PAPLN: variants seen among roughly 807,000 people sequenced by gnomAD.
PAPLN encodes the protein papilin, proteoglycan like sulfated glycoprotein.
Under a neutral mutation model 159.0 loss-of-function variants are expected in PAPLN, and 146 were observed. The ratio of observed to expected loss-of-function variants is 0.92; its 90% CI spans 0.80 to 1.05. The LOEUF (loss-of-function observed/expected upper bound fraction) is 1.05. Among genes scored for constraint, PAPLN ranks in the 50% least tolerant of loss-of-function variants. The probability of loss-of-function intolerance (pLI) is 0.00; values close to 1 mark genes in which losing one functional copy is unlikely to be tolerated. For synonymous variants in PAPLN, 734 were observed against 702.9 expected, an observed-to-expected ratio of 1.04 and a Z score of -0.70; for missense variants, 1,720 against 1,743.9, an observed-to-expected ratio of 0.99 and a Z score of 0.24.
intron 21 of PAPLN, 101 bp downstream of exon 21, chr14:73,264,436 C>G: frequency 6.5e-7 from 1 of 1,535,132 alleles, no homozygotes. Flanking sequence ...TAGAGGGGCC[C>G]AGGGTGTCTC....
Position 73,262,732 on chromosome 14 carries a change from A to G in PAPLN, c.2628A>G (p.Gly876=). 6.6e-7 allele frequency: 1 copy of G among 1,512,598 alleles called. No homozygotes were observed. Among genetic ancestry groups the G allele is most frequent in the South Asian group, 1.4e-5 (1 of 73,168 alleles). The allele number at this position is 1,512,598 out of a possible 1,614,324, so 93.7% of individuals were successfully genotyped here. A position where few individuals can be genotyped will look rare whatever the true frequency, so the allele number is the denominator to read the frequency against. Residue 876 remains glycine, a synonymous_variant, in exon 19 of 27, where the codon GGA becomes GGG. Coordinates refer to ENST00000644200, the MANE Select transcript of PAPLN (RefSeq NM_001365906.3). ...PGEAPHTQAF[G]EWPWGQELGS... ...AGGCCCCCCACACCCAGGCCTTTGGAGAATGGCCATGGGGGCAGGAGCTTG... is the reference window on the plus strand; with the variant it reads ...AGGCCCCCCACACCCAGGCCTTTGGGGAATGGCCATGGGGGCAGGAGCTTG...
chr14:73,266,421 G>T, intron 23 of PAPLN, 80 bp from the exon 24 acceptor site: 1 of 1,538,014 alleles, frequency 6.5e-7, no homozygotes, highest in South Asian at 1.2e-5. Context: ...TTCCCTCCCT[G>T]ACCCCATGCT....
intron 26 of PAPLN, among the ~76,000 whole-genome samples, chr14:73,270,162 G>C (rs1290246886): frequency 3.3e-5 from 5 of 152,286 alleles, no homozygotes; most frequent in African/African-American, 1.2e-4. Flanking sequence ...ACCTCTGTCC[G>C]GGGCCTCGCT....
In PAPLN at chr14:73,259,237, C is replaced by T. The variant is rs201661873; in HGVS notation, c.1709-32C>T. 157 of 1,532,246 alleles carry T rather than the reference C, an allele frequency of 1.0e-4. 1 individual carries two copies. Among genetic ancestry groups the T allele is most frequent in the South Asian group, 5.4e-4 (42 of 78,180 alleles). 94.9% of individuals were successfully genotyped at this position (1,532,246 alleles called of 1,614,324 possible). ...GGGTGGAGGGGAGGAGCCAGGTGGA[C>T]GCACTGTGTGTCTTTTGCTTCTTCT... is the stretch of plus-strand genomic sequence containing the variant. On this transcript the variant is annotated intron_variant, in intron 15 of 26. Coordinates refer to ENST00000644200, the MANE Select transcript of PAPLN (RefSeq NM_001365906.3).
chr14:73,255,749 T>C (rs1280564024), intron 14 of PAPLN, among the ~76,000 whole-genome samples: 2 of 152,148 alleles, frequency 1.3e-5, no homozygotes, highest in Admixed American at 1.3e-4. Context: ...CTATGAGCTG[T>C]AGGGACCTTG....
At position 73,246,194 on chromosome 14, in the gene PAPLN, C is replaced by G; in HGVS notation, c.334+19C>G. 1 of 1,557,568 alleles carries G rather than the reference C, an allele frequency of 6.4e-7. No homozygotes were observed. Reference sequence around the variant, plus strand: ...TACAGCGGTGAGCGCGGCCGGGACTCGCTCTCTCGGGGCCTCTTGTATACC... The same window carrying G: ...TACAGCGGTGAGCGCGGCCGGGACTGGCTCTCTCGGGGCCTCTTGTATACC... On this transcript the variant is annotated intron_variant, in intron 5 of 26. Transcript: ENST00000644200.
In PAPLN at chr14:73,260,790, C is replaced by A; in HGVS notation, c.2067C>A (p.Ser689Arg). 6.7e-7 allele frequency: 1 copy of A among 1,494,448 alleles called. No individual in the cohort carries two copies. Among genetic ancestry groups the A allele is most frequent in the Middle Eastern group, 1.9e-4 (1 of 5,358 alleles). 92.6% of individuals were successfully genotyped at this position (1,494,448 alleles called of 1,614,324 possible). A position where few individuals can be genotyped will look rare whatever the true frequency, so the allele number is the denominator to read the frequency against. The part of the protein sequence containing the change: ...AGCTKSYGGD[S>R]TGGMPRSRAV... ...GCACAAAGTCGTATGGTGGTGACAG[C>A]ACCGGGGGCATGCCCAGGTCAAGGG... Residue 689 changes from serine (S) to arginine (R), a missense_variant, in exon 17 of 27, where the codon AGC becomes AGA. Physicochemically the swap from Ser to Arg is moderately radical, Grantham distance 110. Transcript: ENST00000644200.
chr14:73,261,150 C>G lies in PAPLN; in HGVS notation c.2107-6C>G. ...CCCACTTCCCAATCATGGGTTTCCT[C>G]CCCAGGTCCACAACACCCACCAGCC... is the stretch of plus-strand genomic sequence containing the variant. On this transcript the variant is annotated splice_region_variant and splice_polypyrimidine_tract_variant and intron_variant, in intron 17 of 26. Transcript: ENST00000644200. The G allele has an allele frequency of 6.2e-7, 1 of 1,614,134 alleles. No individual in the cohort carries two copies. The highest frequency in any genetic ancestry group is 1.1e-5 in the South Asian group (1 of 91,078).
Position 73,262,763 on chromosome 14 carries a change from AG to A in PAPLN, c.2662del (p.Ala888ProfsTer76). 1 of 1,511,206 alleles carries A rather than the reference AG, an allele frequency of 6.6e-7. No homozygotes were observed. The highest frequency in any genetic ancestry group is 8.8e-7 in the Non-Finnish European group (1 of 1,135,004). 93.6% of individuals were successfully genotyped at this position (1,511,206 alleles called of 1,614,324 possible). A position where few individuals can be genotyped will look rare whatever the true frequency, so the allele number is the denominator to read the frequency against. On this transcript the variant is annotated frameshift_variant, in exon 19 of 27. Transcript: ENST00000644200. LOFTEE classifies it high-confidence loss of function. The part of the protein sequence containing the change: ...EWPWGQELGS[R>X]APGLGGDAGS... ...GCCATGGGGGCAGGAGCTTGGGTCC[AG>A]GGCCCCTGGACTGGGTGGAGATGCC...
chr14:73,250,067 C>T lies in PAPLN; in HGVS notation c.418C>T (p.Pro140Ser). Residue 140 changes from proline (P) to serine (S), a missense_variant, in exon 6 of 27, where the codon CCC becomes TCC. Pro to Ser is a moderately conservative substitution (Grantham distance 74, BLOSUM62 -1). Transcript: ENST00000644200. ...CAGGGAGGCTGTGGTTGATGGGACG[C>T]CCTGCGAGCCTGGCAAGAGGGATGT... is the stretch of plus-strand genomic sequence containing the variant. ...KHREAVVDGTPCEPGKRDVCV... is the reference protein window; with the variant it reads ...KHREAVVDGTSCEPGKRDVCV... 2 of 1,612,796 alleles carry T rather than the reference C, an allele frequency of 1.2e-6. No individual in the cohort carries two copies. The highest frequency in any genetic ancestry group is 1.7e-6 in the Non-Finnish European group (2 of 1,179,490).
At position 73,254,859 on chromosome 14, in the gene PAPLN, C is replaced by T. The variant is rs2140251610; in HGVS notation, c.1486-18C>T. 1 of 1,609,730 alleles carries T rather than the reference C, an allele frequency of 6.2e-7. No homozygotes were observed. Among genetic ancestry groups the T allele is most frequent in the Non-Finnish European group, 8.5e-7 (1 of 1,179,658 alleles). Reference sequence around the variant, plus strand: ...CCTCGCCCTCAGCATCTCTCTCTCTCCCACTCGTGGGCCTCAGTGCTCCAA... The same window carrying T: ...CCTCGCCCTCAGCATCTCTCTCTCTTCCACTCGTGGGCCTCAGTGCTCCAA... On this transcript the variant is annotated intron_variant, in intron 13 of 26. Transcript: ENST00000644200.
At chr14:73,249,008 A>G (rs557551237) in intron 5 of PAPLN, among the ~76,000 whole-genome samples, 2 of 151,944 alleles carry the variant, frequency 1.3e-5, no homozygotes, top group African/African-American at 2.4e-5. Flanking sequence ...GCATGTGCCT[A>G]TAGTCCCAAC....
In PAPLN at chr14:73,272,483, G is replaced by A; in HGVS notation, c.3668-12G>A. ...TTCCTCACCACCTTCTCTCTCCCCT[G>A]TCGTTCTGCAGCACCCACCGCCCAG... On this transcript the variant is annotated splice_polypyrimidine_tract_variant and intron_variant, in intron 26 of 26. Coordinates refer to ENST00000644200, the MANE Select transcript of PAPLN (RefSeq NM_001365906.3). 4 of 1,504,494 alleles carry A rather than the reference G, an allele frequency of 2.7e-6. No individual in the cohort carries two copies. The highest frequency in any genetic ancestry group is 2.6e-5 in the South Asian group (2 of 76,786). The allele number at this position is 1,504,494 out of a possible 1,614,324, so 93.2% of individuals were successfully genotyped here.
chr14:73,266,422 A>AC, intron 23 of PAPLN, 79 bp from the exon 24 acceptor site: 7 of 1,540,114 alleles, frequency 4.5e-6, no homozygotes, highest in Non-Finnish European at 4.4e-6. Flanking sequence ...TCCCTCCCTG[A>AC]CCCCATGCTC....
rs1043827291 is a variant in PAPLN at position 73,244,426 on chromosome 14, T to C, written c.55-218T>C. 21 of 505,478 alleles carry C rather than the reference T, an allele frequency of 4.2e-5. No homozygotes were observed. In the Admixed American group the frequency reaches 5.5e-4, roughly 13 times the overall value. The allele number at this position is 505,478 out of a possible 1,614,324, so 31.3% of individuals were successfully genotyped here. A position where few individuals can be genotyped will look rare whatever the true frequency, so the allele number is the denominator to read the frequency against. On this transcript the variant is annotated intron_variant, in intron 2 of 26. Coordinates refer to ENST00000644200, the MANE Select transcript of PAPLN (RefSeq NM_001365906.3). Reference sequence around the variant, plus strand: ...TGCTCCTGCTCCCGCCCTCCAGGCCTGGCTCTCAGCTCCTTATGAGGAAAG... The same window carrying C: ...TGCTCCTGCTCCCGCCCTCCAGGCCCGGCTCTCAGCTCCTTATGAGGAAAG...
chr14:73,263,327 G>A (rs922328265), intron 19 of PAPLN: 25 of 492,470 alleles, frequency 5.1e-5, no homozygotes, highest in Non-Finnish European at 8.8e-5. Context: ...GGTCGAGCGT[G>A]TAGTTTAGCC....
chr14:73,252,940 G>A (rs537908230), intron 11 of PAPLN, among the ~76,000 whole-genome samples, 165 bp downstream of exon 11: 3 of 152,314 alleles, frequency 2.0e-5, no homozygotes, highest in African/African-American at 7.2e-5. Context: ...CCTGGGGGAG[G>A]CAGAGAATAG....
chr14:73,235,834 T>C (rs1411305799), upstream of PAPLN, among the ~76,000 whole-genome samples: 1 of 152,274 alleles, frequency 6.6e-6, no homozygotes, highest in Non-Finnish European at 1.5e-5. Context: ...CCGCTACAGC[T>C]GCTGCTCCTC....
chr14:73,253,332 G>A, intron 11 of PAPLN: 1 of 1,040,990 alleles, frequency 9.6e-7, no homozygotes. Flanking sequence ...GGCTTTGCAT[G>A]GGGCCACAGG....
Sources: gnomAD v4.1 joint callset for allele counts (sites outside exome capture counted in the v4.1 genomes callset) on GRCh38, gnomAD v4.1.1 for gene constraint, MANE v1.5 for transcripts, NCBI Gene and HGNC (gene_info 2026-07-23, HGNC 2026-07-21) for gene names.